The following ZFHX3 variants were observed in gnomAD, a reference collection of about 807,000 sequenced individuals.
The protein encoded by ZFHX3 is zinc finger homeobox protein 3.
In ZFHX3, 42 loss-of-function variants were observed where a neutral mutation model predicts 279.1. That is an observed-to-expected ratio of 0.15 (90% CI 0.12 to 0.19). The LOEUF (loss-of-function observed/expected upper bound fraction) is 0.19, where lower values mean the gene tolerates loss of function less well. Ranked by LOEUF, ZFHX3 falls within the 10% of genes least tolerant of loss-of-function variation. The pLI is 1.00. For synonymous variants in ZFHX3, 2,293 were observed against 1,957.8 expected, an observed-to-expected ratio of 1.17 and a Z score of -4.52; for missense variants, 4,981 against 4,754.0, an observed-to-expected ratio of 1.05 and a Z score of -1.40.
chr16:73,385,306 C>A (rs2016879869), intron 3 of ZFHX3, among the ~76,000 whole-genome samples: 1 of 152,150 alleles, frequency 6.6e-6, no homozygotes, highest in Non-Finnish European at 1.5e-5. Flanking sequence ...ATTACTAAAA[C>A]TTTCCGTCTG....
At chr16:73,419,785 G>A (rs4888261) in intron 3 of ZFHX3, among the ~76,000 whole-genome samples, 123,270 of 152,006 alleles carry the variant, frequency 0.81, 50,773 homozygotes, top group Middle Eastern at 0.9. Flanking sequence ...GTCTGCCTGG[G>A]ACTCCTTGTC....
intron 4 of ZFHX3, among the ~76,000 whole-genome samples, chr16:73,311,966 T>G (rs575279689): frequency 6.6e-6 from 1 of 152,082 alleles, no homozygotes; most frequent in African/African-American, 2.4e-5. Flanking sequence ...GATCTAAACT[T>G]AGGACACCTT....
At chr16:73,838,651 G>C (rs1376521115) in intron 1 of ZFHX3, among the ~76,000 whole-genome samples, 2 of 152,162 alleles carry the variant, frequency 1.3e-5, no homozygotes, top group African/African-American at 2.4e-5. Context: ...TTGAAAAAGA[G>C]TTGTTTCTAT....
chr16:72,975,054 A>G (rs933112314), intron 1 of ZFHX3, among the ~76,000 whole-genome samples: 9 of 152,160 alleles, frequency 5.9e-5, no homozygotes, highest in African/African-American at 2.2e-4. Context: ...AAGAACTACC[A>G]CCAGGACGCA....
intron 2 of ZFHX3, among the ~76,000 whole-genome samples, chr16:73,506,322 A>G (rs1411107868): frequency 1.3e-5 from 2 of 152,130 alleles, no homozygotes; most frequent in East Asian, 3.8e-4. Context: ...AATCTAACGG[A>G]TGAGCTCTTC....
intron 3 of ZFHX3, among the ~76,000 whole-genome samples, chr16:72,931,940 A>C (rs996641775): frequency 6.6e-6 from 1 of 152,228 alleles, no homozygotes; most frequent in South Asian, 2.1e-4. Flanking sequence ...TACAAACACG[A>C]ACCATAACAA....
At position 73,381,939 on chromosome 16, in the gene ZFHX3, C is replaced by A. The variant is rs540830192; in HGVS notation, c.-1290-63603G>T. On this transcript the variant is annotated intron_variant, in intron 3 of 17. Coordinates refer to the ZFHX3 transcript ENST00000641206. Reference sequence around the variant, plus strand: ...TTGGTCTAAAATATTATGGTCTCTGCTGCTAGTACACAACTCTGCCATTAT... The same window carrying A: ...TTGGTCTAAAATATTATGGTCTCTGATGCTAGTACACAACTCTGCCATTAT... 1.6e-4 allele frequency among the ~76,000 whole-genome samples: 24 copies of A among 152,292 alleles called. No individual in the cohort carries two copies. The South Asian group carries it at 4.1e-3, about 26-fold the overall frequency.
At chr16:72,846,365 T>C (rs2037480354) in intron 4 of ZFHX3, among the ~76,000 whole-genome samples, 1 of 152,222 alleles carries the variant, frequency 6.6e-6, no homozygotes, top group African/African-American at 2.4e-5. Flanking sequence ...AGGGCTGGCC[T>C]GCTGGAAGAG....
intron 7 of ZFHX3, among the ~76,000 whole-genome samples, chr16:73,123,822 G>T (rs920993308): frequency 6.6e-5 from 10 of 152,078 alleles, no homozygotes; most frequent in Admixed American, 5.2e-4. Flanking sequence ...TATAGAAGAG[G>T]CCTGGGGGAG....
chr16:73,324,452 T>C (rs954370276), intron 3 of ZFHX3, among the ~76,000 whole-genome samples: 3 of 152,206 alleles, frequency 2.0e-5, no homozygotes, highest in Non-Finnish European at 4.4e-5. Flanking sequence ...AAGTAAGGTA[T>C]TCATTTTTGT....
intron 2 of ZFHX3, among the ~76,000 whole-genome samples, chr16:73,525,624 C>A (rs1056435346): frequency 3.3e-5 from 5 of 152,116 alleles, no homozygotes; most frequent in Non-Finnish European, 7.4e-5. Context: ...CCCCAAGATA[C>A]CACTAAGTCT....
chr16:73,498,473 CA>C (rs1314239185), intron 2 of ZFHX3, among the ~76,000 whole-genome samples: 2 of 152,140 alleles, frequency 1.3e-5, no homozygotes, highest in African/African-American at 4.8e-5. Flanking sequence ...TGAAAAATGT[CA>C]AAATAATCAT....
At chr16:73,023,311 T>C (rs762308539) in intron 1 of ZFHX3, among the ~76,000 whole-genome samples, 3 of 152,186 alleles carry the variant, frequency 2.0e-5, no homozygotes, top group Non-Finnish European at 2.9e-5. Flanking sequence ...AAGCTAAGAC[T>C]GTGCAACCTC....
chr16:73,657,086 T>G (rs958351778), intron 2 of ZFHX3, among the ~76,000 whole-genome samples: 1 of 152,238 alleles, frequency 6.6e-6, no homozygotes, highest in African/African-American at 2.4e-5. Flanking sequence ...TATACAAACA[T>G]ACAAAAATGG....
At chr16:73,069,302 G>C (rs923148816) in intron 8 of ZFHX3, among the ~76,000 whole-genome samples, 37 of 152,298 alleles carry the variant, frequency 2.4e-4, no homozygotes, top group African/African-American at 8.2e-4. Context: ...ATACTGACTG[G>C]CCTCTCACCC....
chr16:72,788,352 A>C lies in ZFHX3; in HGVS notation c.9924T>G (p.Leu3308=). ...DPTALLTSQF[L]PYFVPGFSPY... ...GAGAAAAGCCTGGTACAAAGTAAGG[A>C]AGGAACTGGCTTGTGAGCAATGCTG... Residue 3308 remains leucine (L), a synonymous_variant, in exon 10 of 10, where the codon CTT becomes CTG. Transcript: ENST00000268489. 1.9e-6 allele frequency: 3 copies of C among 1,614,166 alleles called. No homozygotes were observed. Among genetic ancestry groups the C allele is most frequent in the Non-Finnish European group, 2.5e-6 (3 of 1,180,018 alleles).
intron 1 of ZFHX3, among the ~76,000 whole-genome samples, chr16:73,756,465 G>C (rs145193077): frequency 3.0e-4 from 46 of 152,206 alleles, no homozygotes; most frequent in African/African-American, 9.4e-4. Flanking sequence ...ACATGAGCTT[G>C]CGTCTGTCTT....
At chr16:73,721,444 C>G (rs2053472955) in intron 1 of ZFHX3, among the ~76,000 whole-genome samples, 1 of 152,152 alleles carries the variant, frequency 6.6e-6, no homozygotes, top group Admixed American at 6.5e-5. Flanking sequence ...CTTACATCAT[C>G]CTGTCTGGCC....
rs140409339 is a variant in ZFHX3 at position 73,645,264 on chromosome 16, T to C, written c.-1547+34916A>G. Among the ~76,000 whole-genome samples the C allele has an allele frequency of 4.8e-4, 73 of 152,340 alleles. 1 individual carries two copies. In the East Asian group the frequency reaches 0.013, roughly 27 times the overall value. The stretch of plus-strand genomic sequence containing the variant: ...ATCTTTTTAAATCATTATTATTTTT[T>C]ATTTTTATTGAGACGGAGTCTCGCT... On this transcript the variant is annotated intron_variant, in intron 2 of 17. Coordinates refer to the ZFHX3 transcript ENST00000641206.
Sources: allele counts gnomAD v4.1 joint callset (sites outside exome capture counted in the v4.1 genomes callset), GRCh38; gene constraint gnomAD v4.1.1; transcripts MANE v1.5; gene names NCBI Gene and HGNC (gene_info 2026-07-23, HGNC 2026-07-21).